The following CT45A1 variants were observed in gnomAD, a reference collection of about 807,000 sequenced individuals.
CT45A1 encodes the protein cancer/testis antigen family 45 member A1, also known as cancer/testis antigen 45-1.
chrX:135,718,167 G>C (rs2088004599), intron 1 of CT45A1, among the ~76,000 whole-genome samples: 1 of 111,560 alleles, frequency 9.0e-6, no homozygotes, highest in Non-Finnish European at 1.9e-5. Context: ...TTCCCTGTTT[G>C]TTGCTGTTGT....
rs1312130054 is a variant in CT45A1 at position 135,715,333 on chromosome X, T to TTA, written c.-7+1654_-7+1655dup. 1.5e-3 allele frequency among the ~76,000 whole-genome samples: 87 copies of TTA among 58,864 alleles called. 1 individual carries two copies. The highest frequency in any genetic ancestry group is 5.0e-3 in the African/African-American group (81 of 16,347). 51.1% of individuals were successfully genotyped at this position (58,864 alleles called of 115,157 possible). On this transcript the variant is annotated intron_variant, in intron 1 of 4. Transcript: ENST00000594565. ...AATACTTATATATAATACTTATATATTATATATATATAATACTTACATATA... is the reference window on the plus strand; with the variant it reads ...AATACTTATATATAATACTTATATATTATATATATATATAATACTTACATATA...
At chrX:135,717,276 T>C (rs2087994961) in intron 1 of CT45A1, among the ~76,000 whole-genome samples, 1 of 111,933 alleles carries the variant, frequency 8.9e-6, no homozygotes, top group African/African-American at 3.2e-5. Flanking sequence ...CAGCCAGGCA[T>C]GGTGGCTCAC....
chrX:135,717,132 C>A (rs188995951), intron 1 of CT45A1, among the ~76,000 whole-genome samples: 7 of 112,041 alleles, frequency 6.2e-5, no homozygotes, highest in African/African-American at 2.3e-4. Flanking sequence ...TTTGCATATA[C>A]TTAAAAAATG....
chrX:135,713,101 G>A (rs58728055), upstream of CT45A1, among the ~76,000 whole-genome samples: 20 of 93,521 alleles, frequency 2.1e-4, no homozygotes, highest in South Asian at 2.8e-3. Context: ...ACGGTGGTGC[G>A]TTCTCGGCTC....
upstream of CT45A1, among the ~76,000 whole-genome samples, chrX:135,709,509 TCCAC>T (rs1415499032): frequency 1.8e-5 from 2 of 112,341 alleles, no homozygotes; most frequent in African/African-American, 6.5e-5. Flanking sequence ...CCTCAAGCGA[TCCAC>T]CCACTTCTGC....
chrX:135,715,198 T>C (rs1238542369), intron 1 of CT45A1, among the ~76,000 whole-genome samples: 3 of 84,214 alleles, frequency 3.6e-5, no homozygotes, highest in African/African-American at 8.3e-5. Flanking sequence ...ATGCCATTAC[T>C]ATTATATATA....
intron 1 of CT45A1, among the ~76,000 whole-genome samples, chrX:135,715,234 T>TTATATATATAATACATA (rs2087969668): frequency 1.4e-5 from 1 of 70,290 alleles, no homozygotes; most frequent in Non-Finnish European, 2.7e-5. Flanking sequence ...TATATAATAC[T>TTATATATATAATACATA]TATATATATA....
At chrX:135,714,086 T>C (rs1373662621) in intron 1 of CT45A1, among the ~76,000 whole-genome samples, 2 of 108,453 alleles carry the variant, frequency 1.8e-5, no homozygotes, top group African/African-American at 6.8e-5. Context: ...GGGCTCTGCC[T>C]TGGGGACTCT....
At chrX:135,711,788 G>A (rs782262914), upstream of CT45A1, among the ~76,000 whole-genome samples, 15 of 112,053 alleles carry the variant, frequency 1.3e-4, no homozygotes, top group Admixed American at 1.3e-3. Context: ...AGTTATGAAA[G>A]TGGAAAAATG....
intron 1 of CT45A1, among the ~76,000 whole-genome samples, chrX:135,718,448 A>C (rs781982909): frequency 9.1e-6 from 1 of 110,307 alleles, no homozygotes; most frequent in East Asian, 2.8e-4. Context: ...GTTCCTAATA[A>C]GGGTTAATAC....
At chrX:135,718,234 T>A (rs1243380407) in intron 1 of CT45A1, among the ~76,000 whole-genome samples, 10 of 111,766 alleles carry the variant, frequency 8.9e-5, no homozygotes, top group Non-Finnish European at 7.5e-5. Flanking sequence ...AAATCAATGT[T>A]GCCTTTCTGC....
intron 1 of CT45A1, among the ~76,000 whole-genome samples, chrX:135,716,713 C>A (rs2148034707): frequency 9.0e-6 from 1 of 111,093 alleles, no homozygotes; most frequent in African/African-American, 3.3e-5. Context: ...GCTTGTTTAT[C>A]CTCATTAAAA....
upstream of CT45A1, among the ~76,000 whole-genome samples, chrX:135,709,200 A>G (rs1191235451): frequency 5.4e-4 from 61 of 112,397 alleles, no homozygotes; most frequent in African/African-American, 1.9e-3. Flanking sequence ...ATCTCGGCTC[A>G]CTGCAACCTC....
At chrX:135,716,958 G>T (rs1235402057) in intron 1 of CT45A1, among the ~76,000 whole-genome samples, 1 of 111,290 alleles carries the variant, frequency 9.0e-6, no homozygotes, top group Non-Finnish European at 1.9e-5. Flanking sequence ...TTCCCTTGGT[G>T]TATTTGCCTG....
chrX:135,718,471 A>G (rs1399267068), intron 1 of CT45A1, among the ~76,000 whole-genome samples: 1 of 110,263 alleles, frequency 9.1e-6, no homozygotes, highest in East Asian at 2.8e-4. Flanking sequence ...ATTGGTTTAT[A>G]CATCTATTTG....
At chrX:135,712,982 C>CCT (rs1556570113), upstream of CT45A1, among the ~76,000 whole-genome samples, 743 of 7,432 alleles carry the variant, frequency 0.1, 3 homozygotes, top group East Asian at 0.39. Context: ...TCTTTTCTTT[C>CCT]TCCTTCCTTC....
chrX:135,714,978 C>T (rs1297614887), intron 1 of CT45A1, among the ~76,000 whole-genome samples: 1 of 106,630 alleles, frequency 9.4e-6, no homozygotes, highest in African/African-American at 3.4e-5. Context: ...TCCATATATT[C>T]TGTATTTGAG....
chrX:135,713,859 C>T (rs868948768), intron 1 of CT45A1, among the ~76,000 whole-genome samples, 169 bp downstream of exon 1: 7 of 110,503 alleles, frequency 6.3e-5, no homozygotes, highest in East Asian at 5.7e-4. Context: ...CCGCCATGGG[C>T]GCCTGTGTCA....
chrX:135,711,938 G>A (rs185373925), upstream of CT45A1, among the ~76,000 whole-genome samples: 20 of 109,608 alleles, frequency 1.8e-4, no homozygotes, highest in Admixed American at 4.9e-4. Context: ...AAAATTAGCC[G>A]GGCATGGTGG....
Sources: allele counts gnomAD v4.1 joint callset (sites outside exome capture counted in the v4.1 genomes callset), GRCh38; gene constraint gnomAD v4.1.1; transcripts MANE v1.5; gene names NCBI Gene and HGNC (gene_info 2026-07-23, HGNC 2026-07-21).